The following ELMO1 variants were observed in gnomAD, a reference collection of about 807,000 sequenced individuals.
ELMO1 encodes the protein engulfment and cell motility 1, also known as engulfment and cell motility protein 1.
A neutral mutation model predicts 98.9 loss-of-function variants in ELMO1; 26 were observed. The observed-to-expected ratio is 0.26, with a 90% CI of 0.19 to 0.36. ELMO1 has a LOEUF of 0.36. Ranked by LOEUF, ELMO1 falls within the 10% of genes least tolerant of loss-of-function variation. The pLI is 1.00. For missense variants in ELMO1, 627 were observed against 935.2 expected (o/e 0.67, Z 4.30); for synonymous variants, 346 against 346.0 (o/e 1.00, Z 0.00).
intron 17 of ELMO1, among the ~76,000 whole-genome samples, chr7:36,892,945 C>T (rs558902830): frequency 2.6e-4 from 40 of 152,248 alleles, no homozygotes; most frequent in Non-Finnish European, 4.7e-4. Flanking sequence ...AAGATAAGAG[C>T]ATCTTATAAT....
intron 16 of ELMO1, among the ~76,000 whole-genome samples, chr7:36,922,476 A>AT (rs1222587061): frequency 2.6e-5 from 4 of 151,658 alleles, no homozygotes; most frequent in East Asian, 1.9e-4. Context: ...ATTATTTGTC[A>AT]TTTTTTTATT....
chr7:37,311,245 A>G (rs1798873182), intron 4 of ELMO1, among the ~76,000 whole-genome samples: 1 of 152,188 alleles, frequency 6.6e-6, no homozygotes, highest in South Asian at 2.1e-4. Flanking sequence ...AAGCAGGGAA[A>G]GTGCCTTCCG....
intron 16 of ELMO1, among the ~76,000 whole-genome samples, chr7:36,916,218 T>C (rs2129070315): frequency 6.6e-6 from 1 of 152,328 alleles, no homozygotes; most frequent in East Asian, 1.9e-4. Context: ...ATTCTTTTGG[T>C]GTTAACTTTC....
chr7:37,106,479 C>T (rs764518451), intron 14 of ELMO1, among the ~76,000 whole-genome samples: 3 of 152,152 alleles, frequency 2.0e-5, no homozygotes, highest in Non-Finnish European at 2.9e-5. Context: ...ACAGCCCTTA[C>T]CAGACACCAA....
Position 37,259,163 on chromosome 7 carries a change from A to G in ELMO1, c.413+18T>C, listed in dbSNP as rs1584884369. ...GACACGCAGGACAGCTGTGGAAGTT[A>G]GGAAAAAAGACGCTTACTCAGTGCC... On this transcript the variant is annotated intron_variant, in intron 6 of 21. Coordinates refer to ENST00000310758, the MANE Select transcript of ELMO1 (RefSeq NM_014800.11). 2.5e-6 allele frequency: 4 copies of G among 1,599,022 alleles called. No individual in the cohort carries two copies. The East Asian group carries it at 9.0e-5, about 36-fold the overall frequency.
chr7:37,268,119 C>T (rs1796356583), intron 5 of ELMO1, among the ~76,000 whole-genome samples: 1 of 152,154 alleles, frequency 6.6e-6, no homozygotes, highest in Admixed American at 6.5e-5. Flanking sequence ...CGAACAATAG[C>T]CAAAGCTGAT....
intron 15 of ELMO1, among the ~76,000 whole-genome samples, chr7:37,087,268 C>T (rs981998174): frequency 6.6e-6 from 1 of 152,088 alleles, no homozygotes; most frequent in Non-Finnish European, 1.5e-5. Flanking sequence ...TTGTTTCTAT[C>T]GATGAACTCT....
At chr7:37,005,304 A>T (rs1454644761) in intron 16 of ELMO1, among the ~76,000 whole-genome samples, 1 of 151,806 alleles carries the variant, frequency 6.6e-6, no homozygotes, top group African/African-American at 2.4e-5. Flanking sequence ...AGTCCCTGAA[A>T]ATTGGTCACC....
chr7:37,354,226 A>AT (rs1554299785), intron 1 of ELMO1, among the ~76,000 whole-genome samples: 1 of 152,120 alleles, frequency 6.6e-6, no homozygotes, highest in South Asian at 2.1e-4. Flanking sequence ...GCAACTCAAT[A>AT]TTTTCCAGAC....
intron 7 of ELMO1, among the ~76,000 whole-genome samples, chr7:37,242,186 A>G (rs190254415): frequency 6.6e-6 from 1 of 152,290 alleles, no homozygotes; most frequent in East Asian, 1.9e-4. Context: ...CAGATTAGGT[A>G]ACTTACACTG....
At chr7:37,067,584 C>T (rs997941619) in intron 15 of ELMO1, among the ~76,000 whole-genome samples, 20 of 152,080 alleles carry the variant, frequency 1.3e-4, no homozygotes, top group African/African-American at 3.9e-4. Flanking sequence ...GAAAAGATGT[C>T]GAGAGAGATA....
At chr7:37,343,487 C>CTTTT (rs10571805) in intron 1 of ELMO1, among the ~76,000 whole-genome samples, 41 of 92,786 alleles carry the variant, frequency 4.4e-4, no homozygotes, top group East Asian at 9.3e-4. Context: ...TAGCCCATTT[C>CTTTT]TTTTTTTTTT....
In ELMO1 at chr7:36,870,514, G is replaced by A. The variant is rs747373356; in HGVS notation, c.1823-39C>T. On this transcript the variant is annotated intron_variant, in intron 19 of 21. Transcript: ENST00000310758. This position sits in a 1 kb window ranked among gnomAD's most constrained non-coding sequence, Gnocchi z 4.4. ...AAGAAAATGCAAGTAACTACACCAT[G>A]TGAAAACTTTGATGTCAATAAAGAA... 16 of 1,596,028 alleles carry A rather than the reference G, an allele frequency of 1.0e-5. No homozygotes were observed. Among genetic ancestry groups the A allele is most frequent in the Non-Finnish European group, 1.3e-5 (15 of 1,168,650 alleles).
At chr7:37,273,433 C>T (rs1796671698) in intron 4 of ELMO1, among the ~76,000 whole-genome samples, 1 of 152,210 alleles carries the variant, frequency 6.6e-6, no homozygotes, top group Non-Finnish European at 1.5e-5. Context: ...CCATGTAAGA[C>T]ATGCCTGCTT....
chr7:37,152,711 T>C (rs779299102), intron 13 of ELMO1, among the ~76,000 whole-genome samples: 1 of 152,124 alleles, frequency 6.6e-6, no homozygotes, highest in Non-Finnish European at 1.5e-5. Flanking sequence ...CTTCATTTAG[T>C]GAAGTTAAGG....
intron 4 of ELMO1, among the ~76,000 whole-genome samples, chr7:37,298,541 AGAATAT>A: frequency 6.8e-6 from 1 of 147,958 alleles, no homozygotes; most frequent in Admixed American, 6.8e-5. Flanking sequence ...CCTATGAGTG[AGAATAT>A]GCGGTGTTTG....
chr7:36,973,988 C>T (rs372274682), intron 16 of ELMO1, among the ~76,000 whole-genome samples: 23 of 151,886 alleles, frequency 1.5e-4, no homozygotes, highest in African/African-American at 4.4e-4. Context: ...GGGCAGGGCT[C>T]GGGACCTGCA....
At chr7:36,911,857 C>T (rs528020192) in intron 16 of ELMO1, among the ~76,000 whole-genome samples, 4 of 152,192 alleles carry the variant, frequency 2.6e-5, no homozygotes, top group Admixed American at 6.5e-5. Context: ...GCTCTGCAAA[C>T]AGCCTGCTCC....
chr7:37,416,725 T>C (rs1034314696), intron 1 of ELMO1, among the ~76,000 whole-genome samples: 1 of 152,224 alleles, frequency 6.6e-6, no homozygotes, highest in African/African-American at 2.4e-5. Flanking sequence ...ACGAAGAAAG[T>C]ATCTCTAGTT....
Sources: allele counts gnomAD v4.1 joint callset (sites outside exome capture counted in the v4.1 genomes callset), GRCh38; gene constraint gnomAD v4.1.1; non-coding constraint Gnocchi (gnomAD v3.1); transcripts MANE v1.5; gene names NCBI Gene and HGNC (gene_info 2026-07-23, HGNC 2026-07-21).